DMD: variants seen among roughly 807,000 people sequenced by gnomAD.
The protein encoded by DMD is dystrophin, also known as mutant dystrophin.
DMD carries 63 observed loss-of-function variants against 330.1 expected under a neutral mutation model. That is an observed-to-expected ratio of 0.19 (90% confidence interval 0.16 to 0.24). DMD has a LOEUF of 0.24. Ranked by LOEUF, DMD falls within the 10% of genes least tolerant of loss-of-function variation. The pLI is 1.00. For synonymous variants in DMD, 1,223 were observed against 959.8 expected (o/e 1.27, Z -5.07); for missense variants, 3,344 against 2,684.1 (o/e 1.25, Z -5.43).
intron 1 of DMD, among the ~76,000 whole-genome samples, chrX:33,202,261 T>C (rs1195307654): frequency 9.0e-6 from 1 of 111,677 alleles, no homozygotes; most frequent in African/African-American, 3.2e-5. Context: ...TGAGAGATCG[T>C]GACAACTGAC....
intron 11 of DMD, among the ~76,000 whole-genome samples, chrX:32,639,255 T>C (rs1353371195): frequency 8.9e-6 from 1 of 112,037 alleles, no homozygotes; most frequent in East Asian, 2.8e-4. Context: ...AGTTTATTCA[T>C]AGAGAAGAAA....
rs775182757 is a variant in DMD at position 33,144,857 on chromosome X, A to G, written c.31+66425T>C. Among the ~76,000 whole-genome samples, 5 of 112,023 alleles carry G rather than the reference A, an allele frequency of 4.5e-5. No individual in the cohort carries two copies. The East Asian group carries it at 1.4e-3, about 31-fold the overall frequency. ...TGGAAAACCCACCATTTCCTTCATC[A>G]TAGATTAAGAAAGAGTGGGTTTTTC... On this transcript the variant is annotated intron_variant, in intron 1 of 78. Coordinates refer to ENST00000357033, the MANE Select transcript of DMD (RefSeq NM_004006.3).
intron 1 of DMD, among the ~76,000 whole-genome samples, chrX:33,319,566 T>G (rs968938027): frequency 8.9e-6 from 1 of 111,991 alleles, no homozygotes; most frequent in East Asian, 2.8e-4. Flanking sequence ...CTTTTAAAGA[T>G]CTTATCGTGT....
At chrX:31,452,141 T>G (rs1473680418) in intron 59 of DMD, among the ~76,000 whole-genome samples, 1 of 107,563 alleles carries the variant, frequency 9.3e-6, no homozygotes, top group African/African-American at 3.6e-5. Context: ...ATGAAGAAAT[T>G]TAGGGCTTTT....
intron 43 of DMD, among the ~76,000 whole-genome samples, chrX:32,254,540 G>T (rs890268606): frequency 8.9e-6 from 1 of 112,236 alleles, no homozygotes; most frequent in Admixed American, 9.5e-5. Context: ...AGTTCACAGT[G>T]TGTATGTTGT....
intron 60 of DMD, among the ~76,000 whole-genome samples, chrX:31,363,236 C>G (rs925394242): frequency 2.7e-5 from 3 of 111,525 alleles, no homozygotes; most frequent in Non-Finnish European, 3.8e-5. Flanking sequence ...CCAATTCAAT[C>G]TACCCTTTCT....
At position 31,456,876 on chromosome X, in the gene DMD, G is replaced by GTGTGTGTGTGTGTA. The variant is rs752346201; in HGVS notation, c.8938-12250_8938-12249insTACACACACACACA. 1.7e-4 allele frequency among the ~76,000 whole-genome samples: 12 copies of GTGTGTGTGTGTGTA among 68,725 alleles called. No homozygotes were observed. The East Asian group carries it at 1.8e-3, about 10-fold the overall frequency. 59.7% of individuals were successfully genotyped at this position (68,725 alleles called of 115,157 possible). On this transcript the variant is annotated intron_variant, in intron 59 of 78. Coordinates refer to ENST00000357033, the MANE Select transcript of DMD (RefSeq NM_004006.3). ...TGTGTGTGTGTGTGTGTGTGTGTGT[G>GTGTGTGTGTGTGTA]TATATATATATATATTATATACCTA...
At chrX:33,140,021 G>T (rs2047720844) in intron 1 of DMD, among the ~76,000 whole-genome samples, 1 of 111,011 alleles carries the variant, frequency 9.0e-6, no homozygotes, top group African/African-American at 3.3e-5. Context: ...TTTGACTTTT[G>T]AAAGGACAGA....
At chrX:32,215,438 T>C (rs2097108916) in intron 44 of DMD, among the ~76,000 whole-genome samples, 1 of 111,307 alleles carries the variant, frequency 9.0e-6, no homozygotes, top group Admixed American at 9.6e-5. Flanking sequence ...CTAGTTAACC[T>C]TCTACATACA....
intron 44 of DMD, among the ~76,000 whole-genome samples, chrX:31,991,320 G>A (rs2095548928): frequency 9.0e-6 from 1 of 111,285 alleles, no homozygotes; most frequent in African/African-American, 3.3e-5. Context: ...AAGGAAAGCA[G>A]GCAGAAAGAC....
chrX:32,729,489 T>C (rs901789438), intron 7 of DMD, among the ~76,000 whole-genome samples: 2 of 111,917 alleles, frequency 1.8e-5, no homozygotes, highest in Admixed American at 9.5e-5. Context: ...CAAACACTGA[T>C]TCATGGTAGC....
chrX:32,390,718 C>T (rs1193951306), intron 30 of DMD, among the ~76,000 whole-genome samples: 2 of 110,993 alleles, frequency 1.8e-5, no homozygotes, highest in African/African-American at 6.6e-5. Flanking sequence ...CAGAGTCTTG[C>T]TATGTGACCC....
chrX:31,495,276 T>C (rs914750933), intron 57 of DMD, among the ~76,000 whole-genome samples: 10 of 111,340 alleles, frequency 9.0e-5, no homozygotes, highest in African/African-American at 3.3e-4. Context: ...CCTTTGGCTG[T>C]ATCTCCACAG....
At chrX:33,060,803 T>C (rs991925237) in intron 1 of DMD, among the ~76,000 whole-genome samples, 88 of 104,121 alleles carry the variant, frequency 8.5e-4, no homozygotes, top group African/African-American at 3.1e-3. Flanking sequence ...TGCCACTGCA[T>C]TCCAGCCTGG....
chrX:32,768,006 C>T (rs764119625), intron 7 of DMD, among the ~76,000 whole-genome samples: 7 of 111,817 alleles, frequency 6.3e-5, no homozygotes, highest in African/African-American at 1.9e-4. Context: ...TACACACACA[C>T]ATAACTTTAT....
At chrX:31,491,573 C>A (rs1469615387) in intron 57 of DMD, among the ~76,000 whole-genome samples, 3 of 112,046 alleles carry the variant, frequency 2.7e-5, no homozygotes, top group African/African-American at 6.5e-5. Context: ...TAACACTTCA[C>A]CGCATCTGGA....
rs1205146963 is a variant in DMD, at chrX:33,059,433, G to A, written c.32-39233C>T. ...CCAACTCCCAAAGATATATAAGTCG[G>A]ATTTATTGGGCACAGCTACCAGGAA... On this transcript the variant is annotated intron_variant, in intron 1 of 78. Transcript: ENST00000357033. Among the ~76,000 whole-genome samples the A allele has an allele frequency of 4.6e-5, 5 of 109,036 alleles. No homozygotes were observed. The Admixed American group carries it at 5.0e-4, about 11-fold the overall frequency. 94.7% of individuals were successfully genotyped at this position (109,036 alleles called of 115,157 possible).
At chrX:32,601,155 C>T (rs945734344) in intron 12 of DMD, among the ~76,000 whole-genome samples, 3 of 111,082 alleles carry the variant, frequency 2.7e-5, no homozygotes, top group Non-Finnish European at 3.8e-5. Flanking sequence ...AAAGGACTTT[C>T]GATTTTATTT....
rs1190446358 is a variant in DMD at position 31,321,583 on chromosome X, C to CAA, written c.9224+2013_9224+2014dup. 3.8e-3 allele frequency among the ~76,000 whole-genome samples: 40 copies of CAA among 10,420 alleles called. 1 individual carries two copies. Among genetic ancestry groups the CAA allele is most frequent in the Non-Finnish European group, 4.5e-3 (30 of 6,712 alleles). The allele number at this position is 10,420 out of a possible 115,157, so 9.0% of individuals were successfully genotyped here. ...TGGGCAACAGAGTGAAACTCCATCT[C>CAA]AAAAAAAAAAAAAAAAAAAAAAAAA... On this transcript the variant is annotated intron_variant, in intron 62 of 78. Transcript: ENST00000357033.
Sources: gnomAD v4.1 joint callset for allele counts (sites outside exome capture counted in the v4.1 genomes callset) on GRCh38, gnomAD v4.1.1 for gene constraint, MANE v1.5 for transcripts, NCBI Gene and HGNC (gene_info 2026-07-23, HGNC 2026-07-21) for gene names.